TIPIN: variants seen among roughly 807,000 people sequenced by gnomAD.
TIPIN encodes the protein TIMELESS interacting protein, also known as TIMELESS-interacting protein.
TIPIN carries 29 observed loss-of-function variants against 35.6 expected under a neutral mutation model. The observed-to-expected ratio is 0.82, with a 90% CI of 0.61 to 1.11. The LOEUF is 1.11. TIPIN is among the 50% of genes most tolerant of loss of function. TIPIN has a pLI of 0.00. For missense variants in TIPIN, 296 were observed against 345.4 expected (o/e 0.86, Z 1.13); for synonymous variants, 102 against 121.5 (o/e 0.84, Z 1.06).
intron 1 of TIPIN, chr15:66,379,995 TTTCTTTC>T (rs1435993231): frequency 1.7e-5 from 8 of 466,734 alleles, no homozygotes; most frequent in Admixed American, 1.3e-4. Context: ...CTTTTCTTTC[TTTCTTTC>T]TTTTTTTTTT....
intron 1 of TIPIN, among the ~76,000 whole-genome samples, chr15:66,375,068 T>C (rs2093291477): frequency 6.6e-6 from 1 of 152,014 alleles, no homozygotes; most frequent in Admixed American, 6.6e-5. Flanking sequence ...TGTTAATGCG[T>C]AGGGGTTCTT....
At chr15:66,379,756 CTT>C (rs1182128643) in intron 1 of TIPIN, 8 of 1,597,184 alleles carry the variant, frequency 5.0e-6, no homozygotes, top group Non-Finnish European at 6.8e-6. Flanking sequence ...ACCAGAGCCT[CTT>C]TTTTTTTCTT....
chr15:66,341,107 T>G, intron 7 of TIPIN, 43 bp downstream of exon 7: 33 of 1,564,660 alleles, frequency 2.1e-5, no homozygotes, highest in Non-Finnish European at 2.9e-5. Flanking sequence ...AACATGTCCT[T>G]GATATATTAA....
chr15:66,379,236 T>C (rs541810740), intron 1 of TIPIN: 1 of 1,428,844 alleles, frequency 7.0e-7, no homozygotes, highest in Admixed American at 2.6e-5. Flanking sequence ...TATTTACTTT[T>C]CTCCAAATCA....
At position 66,336,864 on chromosome 15, in the gene TIPIN, A is replaced by G. The variant is rs1024535401; in HGVS notation, c.*94T>C. 5.1e-6 allele frequency: 5 copies of G among 977,112 alleles called. No individual in the cohort carries two copies. The highest frequency in any genetic ancestry group is 1.6e-5 in the African/African-American group (1 of 61,642). The allele number at this position is 977,112 out of a possible 1,614,324, so 60.5% of individuals were successfully genotyped here. Reference sequence around the variant, plus strand: ...AACAATAATCTATAACAGTTTTACTATCTAAGGATTTTCACTCCAAGAAGA... The same window carrying G: ...AACAATAATCTATAACAGTTTTACTGTCTAAGGATTTTCACTCCAAGAAGA... On this transcript the variant is annotated 3_prime_UTR_variant, in exon 8 of 8. Transcript: ENST00000261881.
intron 6 of TIPIN, chr15:66,347,172 T>C: frequency 2.0e-6 from 1 of 490,080 alleles, no homozygotes; most frequent in South Asian, 1.5e-5. Flanking sequence ...TGTATTTTCT[T>C]CCACATCTGT....
rs1036260873 is a variant in TIPIN, at chr15:66,347,141, T to C, written c.475+1919A>G. On this transcript the variant is annotated intron_variant, in intron 6 of 7. Coordinates refer to ENST00000261881, the MANE Select transcript of TIPIN (RefSeq NM_017858.3). ...TTTGAAAGTAGTTTATAAATAACTT[T>C]AGGGTATTCTACATGGAACCTGTAT... 47 of 444,436 alleles carry C rather than the reference T, an allele frequency of 1.1e-4. No homozygotes were observed. The Admixed American group carries it at 1.1e-3, about 11-fold the overall frequency. 27.5% of individuals were successfully genotyped at this position (444,436 alleles called of 1,614,324 possible).
At chr15:66,379,941 C>G (rs1479840642) in intron 1 of TIPIN, 1 of 1,132,236 alleles carries the variant, frequency 8.8e-7, no homozygotes, top group Non-Finnish European at 1.3e-6. Flanking sequence ...GGCAAAGGAC[C>G]TGGAATTTAT....
intron 1 of TIPIN, among the ~76,000 whole-genome samples, chr15:66,384,580 C>T (rs548803920): frequency 9.2e-4 from 140 of 152,206 alleles, no homozygotes; most frequent in Admixed American, 1.4e-3. Context: ...AGGTGGTAGC[C>T]GCCACTGCAT....
intron 1 of TIPIN, among the ~76,000 whole-genome samples, chr15:66,373,714 T>C (rs1233790453): frequency 3.9e-5 from 6 of 152,116 alleles, no homozygotes; most frequent in Non-Finnish European, 8.8e-5. Context: ...ATTTGGTTTT[T>C]TGAGACAGAG....
intron 4 of TIPIN, among the ~76,000 whole-genome samples, chr15:66,350,921 CAA>C (rs2093163317): frequency 9.2e-6 from 1 of 108,714 alleles, no homozygotes. Context: ...GGCAACAGAG[CAA>C]GCAAGACTCC....
intron 1 of TIPIN, chr15:66,379,697 A>C: frequency 6.2e-7 from 1 of 1,611,018 alleles, no homozygotes; most frequent in Non-Finnish European, 8.5e-7. Flanking sequence ...CATGACTACA[A>C]ATAGTCCGAA....
chr15:66,371,370 A>G (rs2093277074), intron 1 of TIPIN: 1 of 985,300 alleles, frequency 1.0e-6, no homozygotes, highest in Non-Finnish European at 1.2e-6. Context: ...TAAGTGTTTT[A>G]ATGTGAGAAA....
intron 1 of TIPIN, among the ~76,000 whole-genome samples, chr15:66,364,637 C>A (rs2093246119): frequency 6.6e-6 from 1 of 151,930 alleles, no homozygotes; most frequent in Admixed American, 6.6e-5. Flanking sequence ...AAATACAGGG[C>A]AAAATATTTT....
intron 1 of TIPIN, among the ~76,000 whole-genome samples, chr15:66,380,724 C>A (rs902784546): frequency 1.3e-5 from 2 of 151,870 alleles, no homozygotes; most frequent in Non-Finnish European, 2.9e-5. Context: ...CTGAGGCAGG[C>A]AAATTGCTTG....
chr15:66,380,014 T>TC (rs1020127819), intron 1 of TIPIN: 4 of 618,952 alleles, frequency 6.5e-6, no homozygotes, highest in African/African-American at 5.7e-5. Flanking sequence ...TTTTTTTTTT[T>TC]TTTTTGAGAC....
chr15:66,364,765 G>A (rs34591673), intron 1 of TIPIN, among the ~76,000 whole-genome samples: 8,570 of 151,764 alleles, frequency 0.056, 345 homozygotes, highest in Middle Eastern at 0.11. Context: ...CCAGGAGTTC[G>A]AGACTAGCCT....
At chr15:66,356,760 G>A, upstream of TIPIN, 1 of 984,802 alleles carries the variant, frequency 1.0e-6, no homozygotes, top group Non-Finnish European at 1.2e-6. Flanking sequence ...AATCCGTGCG[G>A]GGGGCTGGGC....
At chr15:66,358,696 C>G (rs1260863610), upstream of TIPIN, among the ~76,000 whole-genome samples, 1 of 152,096 alleles carries the variant, frequency 6.6e-6, no homozygotes, top group East Asian at 1.9e-4. Context: ...GGATTACAGG[C>G]GTGAGCCACC....
Sources: allele counts gnomAD v4.1 joint callset (sites outside exome capture counted in the v4.1 genomes callset), GRCh38; gene constraint gnomAD v4.1.1; transcripts MANE v1.5; gene names NCBI Gene and HGNC (gene_info 2026-07-23, HGNC 2026-07-21).